The following PALS2 variants were observed in gnomAD, a reference collection of about 807,000 sequenced individuals.
PALS2 encodes the protein protein PALS2.
PALS2 carries 27 observed loss-of-function variants against 61.6 expected under a neutral mutation model. The observed-to-expected ratio is 0.44, with a 90% CI of 0.32 to 0.60. PALS2 has a LOEUF of 0.60. Ranked by LOEUF, PALS2 falls within the 20% of genes least tolerant of loss-of-function variation. The pLI, the probability that PALS2 is intolerant of heterozygous loss-of-function variation, is 0.05. For missense variants in PALS2, 554 were observed against 639.4 expected, an observed-to-expected ratio of 0.87 and a Z score of 1.44; for synonymous variants, 236 against 218.6, an observed-to-expected ratio of 1.08 and a Z score of -0.70.
At chr7:24,661,533 G>C (rs945479216) in intron 5 of PALS2, among the ~76,000 whole-genome samples, 4 of 152,134 alleles carry the variant, frequency 2.6e-5, no homozygotes, top group African/African-American at 4.8e-5. Context: ...CACATTCATG[G>C]TTAGATGACA....
intron 2 of PALS2, among the ~76,000 whole-genome samples, chr7:24,640,438 GT>G (rs1335796270): frequency 1.3e-5 from 2 of 152,106 alleles, no homozygotes; most frequent in Non-Finnish European, 2.9e-5. Context: ...AAGTATGATA[GT>G]TTAGGTATCT....
chr7:24,687,376 G>T lies in PALS2; in HGVS notation c.1447-62G>T. 8.1e-7 allele frequency: 1 copy of T among 1,232,530 alleles called. No individual in the cohort carries two copies. Among genetic ancestry groups the T allele is most frequent in the African/African-American group, 1.5e-5 (1 of 65,228 alleles). 76.3% of individuals were successfully genotyped at this position (1,232,530 alleles called of 1,614,324 possible). ...CTATTTATTATATTCACTTCTAGTT[G>T]GAGTTTGAGCAAGTAAATATGCATT... is the stretch of plus-strand genomic sequence containing the variant. On this transcript the variant is annotated intron_variant, in intron 11 of 11. Coordinates refer to ENST00000222644, the MANE Select transcript of PALS2 (RefSeq NM_001303037.2). This position sits in a 1 kb window ranked among gnomAD's most constrained non-coding sequence, Gnocchi z 4.5.
chr7:24,670,851 ATTTATCAGTAC>A (rs375403434), intron 9 of PALS2, among the ~76,000 whole-genome samples: 2 of 152,170 alleles, frequency 1.3e-5, no homozygotes, highest in African/African-American at 4.8e-5. Flanking sequence ...GCATTGTAGC[ATTTATCAGTAC>A]TTATTTTCTT....
chr7:24,668,736 A>G, intron 9 of PALS2, 76 bp downstream of exon 9: 2 of 1,495,962 alleles, frequency 1.3e-6, no homozygotes, highest in Admixed American at 4.0e-5. Context: ...GGGGATTATT[A>G]TCATTAGTTA....
At chr7:24,685,765 C>G (rs1788167409) in intron 11 of PALS2, among the ~76,000 whole-genome samples, 1 of 150,282 alleles carries the variant, frequency 6.7e-6, no homozygotes, top group Non-Finnish European at 1.5e-5. Flanking sequence ...GTTTCAAACT[C>G]ATTTAGAAGT....
intron 9 of PALS2, among the ~76,000 whole-genome samples, chr7:24,678,220 G>A (rs578217358): frequency 6.6e-5 from 10 of 152,278 alleles, no homozygotes; most frequent in Admixed American, 2.6e-4. Flanking sequence ...GGTAATAACC[G>A]TTCCTAGCAC....
chr7:24,680,063 A>C (rs117610059), intron 10 of PALS2, among the ~76,000 whole-genome samples: 1 of 152,190 alleles, frequency 6.6e-6, no homozygotes, highest in African/African-American at 2.4e-5. Context: ...CCACTCTCCA[A>C]TTAATCAACA....
intron 2 of PALS2, among the ~76,000 whole-genome samples, chr7:24,635,442 A>G (rs1197100944): frequency 6.6e-6 from 1 of 152,198 alleles, no homozygotes; most frequent in Non-Finnish European, 1.5e-5. Flanking sequence ...TTATTCAAAT[A>G]GTCTTTTAGT....
Position 24,679,295 on chromosome 7 carries a change from C to A in PALS2, c.1279C>A (p.Gln427Lys). The A allele has an allele frequency of 6.2e-7, 1 of 1,613,962 alleles. No individual in the cohort carries two copies. Among genetic ancestry groups the A allele is most frequent in the East Asian group, 2.2e-5 (1 of 44,862 alleles). ...TKIDSILEVV[Q>K]TGRTCILDVN... is the part of the protein sequence containing the mutation. Reference sequence around the variant, plus strand: ...AATTGATTCTATTCTTGAGGTTGTCCAAACTGGACGGACTTGCATTCTGGA... The same window carrying A: ...AATTGATTCTATTCTTGAGGTTGTCAAAACTGGACGGACTTGCATTCTGGA... The change falls in exon 10 of 12, where the codon CAA becomes AAA. Residue 427 changes from glutamine to lysine, a missense_variant. Transcript: ENST00000222644.
intron 1 of PALS2, among the ~76,000 whole-genome samples, chr7:24,623,443 T>A (rs1784607321): frequency 6.6e-6 from 1 of 152,102 alleles, no homozygotes; most frequent in Non-Finnish European, 1.5e-5. Context: ...TCTGATAAAG[T>A]CCAAATTACA....
intron 3 of PALS2, among the ~76,000 whole-genome samples, chr7:24,645,713 A>G (rs1180427925): frequency 6.6e-6 from 1 of 152,098 alleles, no homozygotes; most frequent in Non-Finnish European, 1.5e-5. Flanking sequence ...TGGGCAGTGT[A>G]GCCATTTTAA....
At chr7:24,581,170 G>C (rs1461425129) in intron 1 of PALS2, among the ~76,000 whole-genome samples, 1 of 151,814 alleles carries the variant, frequency 6.6e-6, no homozygotes. Flanking sequence ...GGCATTCCTT[G>C]GCTTGCGGCT....
intron 1 of PALS2, among the ~76,000 whole-genome samples, chr7:24,619,553 T>TA: frequency 6.6e-6 from 1 of 151,730 alleles, no homozygotes; most frequent in South Asian, 2.1e-4. Context: ...CCGTCTCTAC[T>TA]AAAAAATACA....
intron 1 of PALS2, among the ~76,000 whole-genome samples, chr7:24,594,679 TG>T (rs1043697896): frequency 6.6e-6 from 1 of 152,004 alleles, no homozygotes; most frequent in Non-Finnish European, 1.5e-5. Flanking sequence ...TATATGGGGG[TG>T]ATTCATGGTG....
intron 9 of PALS2, 35 bp from the exon 10 acceptor site, chr7:24,679,096 T>G (rs1347796335): frequency 6.3e-7 from 1 of 1,593,508 alleles, no homozygotes; most frequent in East Asian, 2.2e-5. Flanking sequence ...CCCTAAAATT[T>G]CTTTGTACAA....
intron 9 of PALS2, among the ~76,000 whole-genome samples, chr7:24,669,393 T>C (rs78312818): frequency 0.029 from 4,486 of 152,360 alleles, 228 homozygotes; most frequent in African/African-American, 0.1. Flanking sequence ...AATACACATT[T>C]GTCTCTGACT....
chr7:24,679,077 T>C (rs934805486), intron 9 of PALS2, 54 bp from the exon 10 acceptor site: 10 of 1,543,950 alleles, frequency 6.5e-6, no homozygotes, highest in Non-Finnish European at 7.1e-6. Flanking sequence ...TTTTAGTCTA[T>C]TTTTTATGCC....
At chr7:24,601,329 A>AT (rs1783712952) in intron 1 of PALS2, among the ~76,000 whole-genome samples, 1 of 151,920 alleles carries the variant, frequency 6.6e-6, no homozygotes, top group African/African-American at 2.4e-5. Flanking sequence ...TATTTGCTTC[A>AT]TTTTTTTGTA....
At chr7:24,643,368 C>G (rs1407195345) in intron 3 of PALS2, among the ~76,000 whole-genome samples, 1 of 152,058 alleles carries the variant, frequency 6.6e-6, no homozygotes, top group Non-Finnish European at 1.5e-5. Context: ...GAAGACATTG[C>G]TTTTCTTCTA....
Sources: allele counts gnomAD v4.1 joint callset (sites outside exome capture counted in the v4.1 genomes callset), GRCh38; gene constraint gnomAD v4.1.1; non-coding constraint Gnocchi (gnomAD v3.1); transcripts MANE v1.5; gene names NCBI Gene and HGNC (gene_info 2026-07-23, HGNC 2026-07-21).